Variants in LRP4 observed in about 807,000 individuals in gnomAD.
The protein encoded by LRP4 is LDL receptor related protein 4.
In LRP4, 95 loss-of-function variants were observed where a neutral mutation model predicts 220.3. That is an observed-to-expected ratio of 0.43 (90% CI 0.37 to 0.51). The LOEUF is 0.51. Among genes scored for constraint, LRP4 ranks in the 20% least tolerant of loss-of-function variants. The probability of loss-of-function intolerance (pLI) is 0.00; values close to 1 mark genes in which losing one functional copy is unlikely to be tolerated. For synonymous variants in LRP4, 903 were observed against 954.6 expected, an observed-to-expected ratio of 0.95 and a Z score of 1.00; for missense variants, 1,925 against 2,567.0, an observed-to-expected ratio of 0.75 and a Z score of 5.40.
chr11:46,899,042 A>G lies in LRP4; in HGVS notation c.548-10T>C, dbSNP rs767605145. On this transcript the variant is annotated splice_polypyrimidine_tract_variant and intron_variant, in intron 5 of 37. Coordinates refer to ENST00000378623, the MANE Select transcript of LRP4 (RefSeq NM_002334.4). This position sits in a 1 kb window ranked among gnomAD's most constrained non-coding sequence, Gnocchi z 5.9. ...GCTGGCACTGCTGAGGCTGGAGGGA[A>G]GGCAGGGGTGGGGAGGGGCACACAC... 2.5e-6 allele frequency: 4 copies of G among 1,609,902 alleles called. No individual in the cohort carries two copies. The highest frequency in any genetic ancestry group is 3.4e-6 in the Non-Finnish European group (4 of 1,177,414).
chr11:46,896,666 T>C (rs192222305), intron 8 of LRP4, among the ~76,000 whole-genome samples: 1 of 152,366 alleles, frequency 6.6e-6, no homozygotes, highest in Admixed American at 6.5e-5. Context: ...GCACTGGCTG[T>C]GTGTGAGTTA....
At chr11:46,902,986 T>G in intron 1 of LRP4, 57 bp from the exon 2 acceptor site, 1 of 1,609,826 alleles carries the variant, frequency 6.2e-7, no homozygotes, top group Non-Finnish European at 8.5e-7. Flanking sequence ...CCCAAGCCCA[T>G]TCCGAGGGGA....
intron 2 of LRP4, among the ~76,000 whole-genome samples, chr11:46,902,410 C>T (rs769935372): frequency 4.4e-5 from 6 of 135,244 alleles, no homozygotes; most frequent in Non-Finnish European, 8.2e-5. Flanking sequence ...AAATAAGAAA[C>T]ATAGAAATAA....
rs775414556 is a variant in LRP4, at chr11:46,898,687, C to T, written c.677-10G>A. On this transcript the variant is annotated splice_polypyrimidine_tract_variant and intron_variant, in intron 6 of 37. Transcript: ENST00000378623. ...CAGGGCTGGTGGGAGGCTAGGGAAACACAAGACTTCTGTCTCTAGCCAGTC... is the reference window on the plus strand; with the variant it reads ...CAGGGCTGGTGGGAGGCTAGGGAAATACAAGACTTCTGTCTCTAGCCAGTC... 5 of 1,613,704 alleles carry T rather than the reference C, an allele frequency of 3.1e-6. No homozygotes were observed. The highest frequency in any genetic ancestry group is 4.2e-6 in the Non-Finnish European group (5 of 1,180,038).
chr11:46,899,397 C>T lies in LRP4; in HGVS notation c.537G>A (p.Glu179=), dbSNP rs1014076144. The change falls in exon 5 of 38, where the codon GAG becomes GAA. Residue 179 remains glutamate, a synonymous_variant. Coordinates refer to ENST00000378623, the MANE Select transcript of LRP4 (RefSeq NM_002334.4). This position sits in a 1 kb window ranked among gnomAD's most constrained non-coding sequence, Gnocchi z 5.9. ...TCTGGGGCCACTCACGACAGTTCTCCTCATCGGAGCCATCTTTGCAGTCGG... is the reference window on the plus strand; with the variant it reads ...TCTGGGGCCACTCACGACAGTTCTCTTCATCGGAGCCATCTTTGCAGTCGG... The part of the protein sequence containing the change: ...GDTDCKDGSD[E]ENCPSAVPAP... 2.5e-6 allele frequency: 4 copies of T among 1,613,572 alleles called. No individual in the cohort carries two copies. The highest frequency in any genetic ancestry group is 3.4e-6 in the Non-Finnish European group (4 of 1,179,618).
intron 16 of LRP4, among the ~76,000 whole-genome samples, chr11:46,888,378 A>G (rs1429272305): frequency 6.6e-6 from 1 of 151,004 alleles, no homozygotes; most frequent in Non-Finnish European, 1.5e-5. Context: ...ACATGGAGAA[A>G]CCCCGTCCCT....
chr11:46,867,998 G>A lies in LRP4; in HGVS notation c.5068C>T (p.Leu1690=). ...ATTTACCTTCCTTCCACCTCCTCCA[G>A]AGACGTGCGGGTCCGGGTGGTTGAA... is the stretch of plus-strand genomic sequence containing the variant. ...YSSTTRTRTS[L]EEVEGRCSER... The change falls in exon 34 of 38, where the codon CTG becomes TTG. Residue 1690 remains leucine (L), a synonymous_variant. Coordinates refer to ENST00000378623, the MANE Select transcript of LRP4 (RefSeq NM_002334.4). 1 of 1,614,180 alleles carries A rather than the reference G, an allele frequency of 6.2e-7. No homozygotes were observed. Among genetic ancestry groups the A allele is most frequent in the Non-Finnish European group, 8.5e-7 (1 of 1,180,044 alleles).
intron 8 of LRP4, 113 bp downstream of exon 8, chr11:46,896,756 A>T (rs1198700593): frequency 1.3e-6 from 2 of 1,533,202 alleles, no homozygotes; most frequent in African/African-American, 1.4e-5. Context: ...ATGCACCTGG[A>T]TTTTACACTG....
At chr11:46,889,859 C>G in intron 15 of LRP4, 85 bp downstream of exon 15, 1 of 1,487,402 alleles carries the variant, frequency 6.7e-7, no homozygotes, top group Non-Finnish European at 9.4e-7. Context: ...AATGGCAACT[C>G]TAAGGGGAAG....
chr11:46,885,071 G>C (rs531949501), intron 18 of LRP4, among the ~76,000 whole-genome samples: 24 of 152,070 alleles, frequency 1.6e-4, no homozygotes, highest in Non-Finnish European at 2.6e-4. Context: ...CTGCAGCCTT[G>C]AACTCCCGGA....
chr11:46,902,078 C>T (rs138781654), intron 2 of LRP4, among the ~76,000 whole-genome samples: 19 of 150,208 alleles, frequency 1.3e-4, no homozygotes, highest in African/African-American at 4.4e-4. Context: ...AAAGGTGTGG[C>T]TGGGCGTGGT....
intron 22 of LRP4, among the ~76,000 whole-genome samples, chr11:46,877,567 A>T (rs532060762): frequency 6.6e-6 from 1 of 152,308 alleles, no homozygotes; most frequent in South Asian, 2.1e-4. Flanking sequence ...TCCTGAGCTC[A>T]AGCGATCCTC....
intron 7 of LRP4, among the ~76,000 whole-genome samples, chr11:46,898,139 C>T (rs1941583669): frequency 6.6e-6 from 1 of 151,726 alleles, no homozygotes; most frequent in Non-Finnish European, 1.5e-5. Flanking sequence ...GGCGGCTGGC[C>T]GGGCAGAGGG....
chr11:46,904,128 A>G (rs928512617), intron 1 of LRP4, among the ~76,000 whole-genome samples: 3 of 152,122 alleles, frequency 2.0e-5, no homozygotes, highest in Admixed American at 6.5e-5. Context: ...CTGGGGAAGG[A>G]GGGGGCCGCA....
intron 1 of LRP4, among the ~76,000 whole-genome samples, chr11:46,916,663 TCTC>T (rs1430416995): frequency 6.6e-6 from 1 of 151,740 alleles, no homozygotes; most frequent in Non-Finnish European, 1.5e-5. Flanking sequence ...AAGGCGACAA[TCTC>T]CTCTCTGGCT....
intron 1 of LRP4, among the ~76,000 whole-genome samples, chr11:46,916,804 A>C (rs1941952766): frequency 1.3e-5 from 2 of 152,170 alleles, no homozygotes. Flanking sequence ...TTGCAACCCG[A>C]AGGGGGAAAC....
intron 2 of LRP4, among the ~76,000 whole-genome samples, chr11:46,902,043 T>C (rs1385551357): frequency 6.6e-6 from 1 of 150,674 alleles, no homozygotes; most frequent in Non-Finnish European, 1.5e-5. Flanking sequence ...TAAGAAAATA[T>C]AAGATTTCTT....
Position 46,873,708 on chromosome 11 carries a change from G to A in LRP4, c.4230-115C>T. The A allele has an allele frequency of 1.3e-6, 1 of 754,432 alleles. No homozygotes were observed. The highest frequency in any genetic ancestry group is 2.2e-6 in the Non-Finnish European group (1 of 457,194). The allele number at this position is 754,432 out of a possible 1,614,324, so 46.7% of individuals were successfully genotyped here. ...GAACTGTAAGCTCCACAGGGATAGA[G>A]ACCAGGTATCTATGAGTACATTCCT... On this transcript the variant is annotated intron_variant, in intron 28 of 37. Transcript: ENST00000378623. The surrounding 1 kb of genome is among the most constrained non-coding windows in gnomAD (Gnocchi z 4.2).
At position 46,918,405 on chromosome 11, in the gene LRP4, G is replaced by T; in HGVS notation, c.-26C>A. The T allele has an allele frequency of 7.2e-7, 1 of 1,382,454 alleles. No individual in the cohort carries two copies. The highest frequency in any genetic ancestry group is 9.3e-7 in the Non-Finnish European group (1 of 1,070,390). 85.6% of individuals were successfully genotyped at this position (1,382,454 alleles called of 1,614,324 possible). ...GGTGCCGCCCGCGCCGCTCGCCCGG[G>T]GTCCCGCCGGCTCCCGCCGGACGGC... On this transcript the variant is annotated 5_prime_UTR_variant, in exon 1 of 38. Coordinates refer to ENST00000378623, the MANE Select transcript of LRP4 (RefSeq NM_002334.4). This position sits in a 1 kb window ranked among gnomAD's most constrained non-coding sequence, Gnocchi z 6.0.
Sources: gnomAD v4.1 joint callset for allele counts (sites outside exome capture counted in the v4.1 genomes callset) on GRCh38, gnomAD v4.1.1 for gene constraint, Gnocchi (gnomAD v3.1) non-coding constraint, MANE v1.5 for transcripts, NCBI Gene and HGNC (gene_info 2026-07-23, HGNC 2026-07-21) for gene names.